CLN6: variants seen among roughly 807,000 people sequenced by gnomAD.
CLN6 encodes the protein CLN6 transmembrane ER protein.
Under a neutral mutation model 33.3 loss-of-function variants are expected in CLN6, and 22 were observed. The observed-to-expected ratio is 0.66, with a 90% CI of 0.47 to 0.94. The LOEUF (loss-of-function observed/expected upper bound fraction) is 0.94, where lower values mean the gene tolerates loss of function less well. Among genes scored for constraint, CLN6 ranks in the 40% least tolerant of loss-of-function variants. The probability of loss-of-function intolerance (pLI) is 0.00; values close to 1 mark genes in which losing one functional copy is unlikely to be tolerated. For synonymous variants in CLN6, 201 were observed against 174.6 expected, an observed-to-expected ratio of 1.15 and a Z score of -1.19; for missense variants, 387 against 417.1, an observed-to-expected ratio of 0.93 and a Z score of 0.63.
upstream of CLN6, chr15:68,257,185 G>A (rs11071999): frequency 0.89 from 226,370 of 254,242 alleles, 105,779 homozygotes; most frequent in Non-Finnish European, 0.99. Flanking sequence ...GCCCGGCGTC[G>A]CTGAGGGCTT....
At chr15:68,244,540 G>A (rs931612649) in intron 1 of CLN6, among the ~76,000 whole-genome samples, 4 of 151,938 alleles carry the variant, frequency 2.6e-5, no homozygotes, top group Non-Finnish European at 4.4e-5. Context: ...CCCCAGACCC[G>A]TCTTAAAAGA....
chr15:68,219,399 C>T lies in CLN6; in HGVS notation c.84-749G>A, dbSNP rs1222994552. ...GGGCTGCTGGTAATCCTCTTCTCAG[C>T]AGTCCACAGTAGAACCTGAGAAGGA... On this transcript the variant is annotated intron_variant, in intron 1 of 6. Coordinates refer to ENST00000249806, the MANE Select transcript of CLN6 (RefSeq NM_017882.3). The surrounding 1 kb of genome is among the most constrained non-coding windows in gnomAD (Gnocchi z 4.2). Among the ~76,000 whole-genome samples, 1 of 152,142 alleles carries T rather than the reference C, an allele frequency of 6.6e-6. No individual in the cohort carries two copies. The highest frequency in any genetic ancestry group is 1.5e-5 in the Non-Finnish European group (1 of 68,032).
Position 68,218,620 on chromosome 15 carries a change from GGCA to G in CLN6, c.111_113del (p.Ala38del). Reference sequence around the variant, plus strand: ...GGTCGAGGTGGAAGGGAGCCGTGCGGGCAGCCTCATCAGCGCTCACAGAGCCAT... The same window carrying G: ...GGTCGAGGTGGAAGGGAGCCGTGCGGGCCTCATCAGCGCTCACAGAGCCAT... On this transcript the variant is annotated inframe_deletion, in exon 2 of 7. Coordinates refer to ENST00000249806, the MANE Select transcript of CLN6 (RefSeq NM_017882.3). 6.2e-7 allele frequency: 1 copy of G among 1,613,824 alleles called. No homozygotes were observed. Among genetic ancestry groups the G allele is most frequent in the Non-Finnish European group, 8.5e-7 (1 of 1,179,906 alleles).
At chr15:68,226,990 TATTTG>T (rs1471024022) in intron 1 of CLN6, among the ~76,000 whole-genome samples, 1 of 152,174 alleles carries the variant, frequency 6.6e-6, no homozygotes, top group Admixed American at 6.5e-5. Flanking sequence ...AAGCCTTTGC[TATTTG>T]ATTTATCACG....
intron 2 of CLN6, 37 bp from the exon 3 acceptor site, chr15:68,214,425 C>T (rs1199223037): frequency 2.0e-6 from 3 of 1,526,150 alleles, no homozygotes; most frequent in African/African-American, 1.4e-5. Flanking sequence ...CACCTGGGCA[C>T]AGCCCCACGC....
At position 68,210,465 on chromosome 15, in the gene CLN6, A is replaced by G. The variant is rs2093201801; in HGVS notation, c.543-706T>C. Among the ~76,000 whole-genome samples, 1 of 152,176 alleles carries G rather than the reference A, an allele frequency of 6.6e-6. No individual in the cohort carries two copies. Among genetic ancestry groups the G allele is most frequent in the Non-Finnish European group, 1.5e-5 (1 of 68,022 alleles). On this transcript the variant is annotated intron_variant, in intron 5 of 6. Transcript: ENST00000249806. This position sits in a 1 kb window ranked among gnomAD's most constrained non-coding sequence, Gnocchi z 5.6. Reference sequence around the variant, plus strand: ...GGGACCCTGGACCAGCTGAGCCAGGAGGATTGACATCGCAGGGCCCGAAAC... The same window carrying G: ...GGGACCCTGGACCAGCTGAGCCAGGGGGATTGACATCGCAGGGCCCGAAAC...
In CLN6 at chr15:68,209,599, G is replaced by T. The variant is rs1386318002; in HGVS notation, c.665+38C>A. On this transcript the variant is annotated intron_variant, in intron 6 of 6. Transcript: ENST00000249806. The surrounding 1 kb of genome is among the most constrained non-coding windows in gnomAD (Gnocchi z 4.9). ...GAATTTTGCTGCCGTGGCTCTCTCA[G>T]TGCCCCTGCCTCTGCCCCCATGCTG... is the stretch of plus-strand genomic sequence containing the variant. 6.2e-7 allele frequency: 1 copy of T among 1,609,666 alleles called. No individual in the cohort carries two copies. Among genetic ancestry groups the T allele is most frequent in the Non-Finnish European group, 8.5e-7 (1 of 1,179,448 alleles).
chr15:68,234,241 C>T (rs1892195951), upstream of CLN6, among the ~76,000 whole-genome samples: 1 of 152,190 alleles, frequency 6.6e-6, no homozygotes, highest in African/African-American at 2.4e-5. This position sits in a 1 kb window ranked among gnomAD's most constrained non-coding sequence, Gnocchi z 4.1. Context: ...CAGCAGCCGA[C>T]GGCCTCAGTC....
chr15:68,217,868 A>G (rs568363763), intron 2 of CLN6, among the ~76,000 whole-genome samples: 13 of 142,598 alleles, frequency 9.1e-5, no homozygotes, highest in Non-Finnish European at 1.5e-4. Context: ...TCATCTGTCA[A>G]TTATCTACCT....
rs2093256202 is a variant in CLN6, at chr15:68,227,652, A to G, written c.83+1850T>C. 6.6e-6 allele frequency among the ~76,000 whole-genome samples: 1 copy of G among 152,172 alleles called. No individual in the cohort carries two copies. The highest frequency in any genetic ancestry group is 1.5e-5 in the Non-Finnish European group (1 of 68,028). ...AGGGACATGACTCCTTAGCAGCCAA[A>G]GTGGAGTCGTAAGAGCAGAGCCCGT... On this transcript the variant is annotated intron_variant, in intron 1 of 6. Transcript: ENST00000249806. The surrounding 1 kb of genome is among the most constrained non-coding windows in gnomAD (Gnocchi z 4.1).
intron 1 of CLN6, among the ~76,000 whole-genome samples, chr15:68,243,768 A>C (rs867034266): frequency 2.6e-5 from 4 of 151,626 alleles, no homozygotes; most frequent in Admixed American, 6.6e-5. Flanking sequence ...AAAAAAAAAA[A>C]AACACAAAAA....
chr15:68,224,885 A>C (rs1202542351), intron 1 of CLN6, among the ~76,000 whole-genome samples: 1 of 152,192 alleles, frequency 6.6e-6, no homozygotes, highest in Admixed American at 6.5e-5. Flanking sequence ...AACCTGAAAC[A>C]AGGTTAGACT....
At chr15:68,226,650 A>G (rs1032772985) in intron 1 of CLN6, among the ~76,000 whole-genome samples, 1 of 151,992 alleles carries the variant, frequency 6.6e-6, no homozygotes, top group African/African-American at 2.4e-5. Context: ...TATTTTTAGT[A>G]GAGACAGGGT....
At chr15:68,248,131 A>G (rs1892344638) in intron 1 of CLN6, among the ~76,000 whole-genome samples, 2 of 152,238 alleles carry the variant, frequency 1.3e-5, no homozygotes, top group Admixed American at 1.3e-4. Flanking sequence ...TGACATAAAA[A>G]CAGACACATA....
intron 1 of CLN6, among the ~76,000 whole-genome samples, chr15:68,238,358 C>T (rs542015067): frequency 2.0e-5 from 3 of 150,720 alleles, no homozygotes; most frequent in Non-Finnish European, 4.4e-5. Context: ...GAGTCCAGAT[C>T]GCGCCACTGC....
At chr15:68,218,084 T>C (rs774212144) in intron 2 of CLN6, 3 of 207,280 alleles carry the variant, frequency 1.4e-5, no homozygotes, top group East Asian at 2.2e-4. Flanking sequence ...CACAGTCATA[T>C]ATAATATGCA....
At chr15:68,232,157 G>A (rs560029326), upstream of CLN6, among the ~76,000 whole-genome samples, 2 of 74,494 alleles carry the variant, frequency 2.7e-5, no homozygotes, top group South Asian at 1.1e-3. The surrounding 1 kb of genome is among the most constrained non-coding windows in gnomAD (Gnocchi z 4.7). Context: ...AGCTGTATCC[G>A]ATATTTTTTT....
Position 68,238,144 on chromosome 15 carries a change from G to A in CLN6, c.179+18546C>T, listed in dbSNP as rs142048344. On this transcript the variant is annotated intron_variant, in intron 1 of 6. Coordinates refer to the CLN6 transcript ENST00000538696. ...TCTCAAAAAAAAAGAAGTGGGTCAC[G>A]CCTGTAATCCCAGCACTTTGGGAGG... 2.9e-3 allele frequency among the ~76,000 whole-genome samples: 435 copies of A among 151,356 alleles called. 15 individuals carry two copies. In the East Asian group the frequency reaches 0.072, roughly 25 times the overall value.
At position 68,208,167 on chromosome 15, in the gene CLN6, G is replaced by A. The variant is rs1448520404; in HGVS notation, c.909C>T (p.Tyr303=). 2 of 1,613,514 alleles carry A rather than the reference G, an allele frequency of 1.2e-6. No homozygotes were observed. The highest frequency in any genetic ancestry group is 2.2e-5 in the East Asian group (1 of 44,838). The change falls in exon 7 of 7, where the codon TAC becomes TAT. Residue 303 remains tyrosine (Y), a synonymous_variant. Transcript: ENST00000249806. The surrounding 1 kb of genome is among the most constrained non-coding windows in gnomAD (Gnocchi z 5.8). ...AGTGCCGACTGCTGACGTGAAGGGT[G>A]TAGAAAGCCCAGGGCTCAGGGACGT... ...VIYVPEPWAF[Y]TLHVSSRH is the part of the protein sequence containing the mutation.
Sources: allele counts gnomAD v4.1 joint callset (sites outside exome capture counted in the v4.1 genomes callset), GRCh38; gene constraint gnomAD v4.1.1; non-coding constraint Gnocchi (gnomAD v3.1); transcripts MANE v1.5; gene names NCBI Gene and HGNC (gene_info 2026-07-23, HGNC 2026-07-21).